Variants in KIF6 observed in about 807,000 individuals in gnomAD.
KIF6 encodes the protein kinesin-like protein KIF6.
Under a neutral mutation model 112.7 loss-of-function variants are expected in KIF6, and 106 were observed. That is an observed-to-expected ratio of 0.94 (90% CI 0.80 to 1.11). KIF6 has a LOEUF of 1.11. Among genes scored for constraint, KIF6 ranks in the 50% least tolerant of loss-of-function variants. KIF6 has a pLI of 0.00. For missense variants in KIF6, 929 were observed against 964.0 expected, an observed-to-expected ratio of 0.96 and a Z score of 0.48; for synonymous variants, 339 against 339.9, an observed-to-expected ratio of 1.00 and a Z score of 0.03.
intron 13 of KIF6, among the ~76,000 whole-genome samples, chr6:39,508,161 C>A (rs1407199725): frequency 6.6e-6 from 1 of 151,870 alleles, no homozygotes; most frequent in East Asian, 1.9e-4. Context: ...CATGTGTTAG[C>A]AATGCATGGT....
intron 19 of KIF6, among the ~76,000 whole-genome samples, chr6:39,355,153 T>A (rs1270017830): frequency 6.6e-6 from 1 of 152,154 alleles, no homozygotes; most frequent in Non-Finnish European, 1.5e-5. Flanking sequence ...ACTGCTGTAC[T>A]CCAGCATGAG....
intron 3 of KIF6, among the ~76,000 whole-genome samples, chr6:39,680,747 G>GGTT (rs1787463302): frequency 6.6e-6 from 1 of 152,152 alleles, no homozygotes; most frequent in Admixed American, 6.5e-5. Context: ...TGTAGTAAGT[G>GGTT]GTTATAAAAG....
intron 15 of KIF6, among the ~76,000 whole-genome samples, chr6:39,408,808 G>A (rs569137150): frequency 1.0e-3 from 157 of 152,116 alleles, no homozygotes; most frequent in Middle Eastern, 6.8e-3. Flanking sequence ...TTCAAACTAT[G>A]GCAAAATGTA....
At position 39,334,484 on chromosome 6, in the gene KIF6, G is replaced by T. The variant is rs1271729847; in HGVS notation, c.*2048C>A. 6.6e-6 allele frequency: 1 copy of T among 152,580 alleles called. No homozygotes were observed. The highest frequency in any genetic ancestry group is 2.4e-5 in the African/African-American group (1 of 41,450). 9.5% of individuals were successfully genotyped at this position (152,580 alleles called of 1,614,324 possible). A position where few individuals can be genotyped will look rare whatever the true frequency, so the allele number is the denominator to read the frequency against. On this transcript the variant is annotated 3_prime_UTR_variant, in exon 23 of 23. Coordinates refer to ENST00000287152, the MANE Select transcript of KIF6 (RefSeq NM_145027.6). ...AGTTCCAGCTACTTTGGAGGCTGAG[G>T]TGAGAGGATCGCTTGAGCCCAGGAG...
intron 1 of KIF6, among the ~76,000 whole-genome samples, chr6:39,723,289 C>T (rs1479616940): frequency 6.6e-6 from 1 of 152,140 alleles, no homozygotes; most frequent in Non-Finnish European, 1.5e-5. Flanking sequence ...GACATATACC[C>T]AGTATATATA....
intron 5 of KIF6, among the ~76,000 whole-genome samples, chr6:39,633,356 A>G (rs904680239): frequency 5.3e-5 from 8 of 152,128 alleles, no homozygotes; most frequent in Middle Eastern, 3.2e-3. Context: ...TAGAAAAAAA[A>G]GTACTTGATG....
At chr6:39,598,453 A>T (rs1244173426) in intron 6 of KIF6, among the ~76,000 whole-genome samples, 1 of 152,194 alleles carries the variant, frequency 6.6e-6, no homozygotes, top group African/African-American at 2.4e-5. Context: ...AATATAAATT[A>T]AGAATAAATT....
At chr6:39,391,513 A>G (rs997198748) in intron 15 of KIF6, among the ~76,000 whole-genome samples, 21 of 152,218 alleles carry the variant, frequency 1.4e-4, no homozygotes, top group African/African-American at 4.8e-4. Context: ...GGGTCTGCTC[A>G]TCTCCAGTAC....
chr6:39,659,643 AG>A (rs1786014066), intron 3 of KIF6, among the ~76,000 whole-genome samples: 1 of 152,196 alleles, frequency 6.6e-6, no homozygotes, highest in African/African-American at 2.4e-5. Flanking sequence ...TGGTTTTATA[AG>A]GGGCTTTTCC....
At chr6:39,647,692 C>G (rs1466746718) in intron 3 of KIF6, among the ~76,000 whole-genome samples, 1 of 150,962 alleles carries the variant, frequency 6.6e-6, no homozygotes, top group Non-Finnish European at 1.5e-5. Context: ...CTAGGTCAAA[C>G]AGTGAAGGCC....
chr6:39,665,609 A>T (rs188174850), intron 3 of KIF6, among the ~76,000 whole-genome samples: 7 of 152,330 alleles, frequency 4.6e-5, no homozygotes, highest in Non-Finnish European at 8.8e-5. Context: ...GAAAAAGTGT[A>T]TTACAGGAAT....
At chr6:39,697,205 T>C (rs1401675613) in intron 3 of KIF6, among the ~76,000 whole-genome samples, 1 of 152,168 alleles carries the variant, frequency 6.6e-6, no homozygotes, top group African/African-American at 2.4e-5. Flanking sequence ...CAGATAGGAC[T>C]GACAATCAGG....
chr6:39,367,194 A>G lies in KIF6; in HGVS notation c.1862-4676T>C, dbSNP rs874406. Among the ~76,000 whole-genome samples the G allele has an allele frequency of 5.6e-3, 852 of 152,288 alleles. 28 individuals are homozygous for G. The highest frequency in any genetic ancestry group is 0.048 in the Admixed American group (735 of 15,290). Reference sequence around the variant, plus strand: ...TGTTCTGAGGCTTGGCTCATCAGTAACCTCTGAAGAGAAATAGGGGCTGGG... The same window carrying G: ...TGTTCTGAGGCTTGGCTCATCAGTAGCCTCTGAAGAGAAATAGGGGCTGGG... On this transcript the variant is annotated intron_variant, in intron 16 of 22. Coordinates refer to ENST00000287152, the MANE Select transcript of KIF6 (RefSeq NM_145027.6).
chr6:39,662,934 G>A (rs1786250739), intron 3 of KIF6, among the ~76,000 whole-genome samples: 1 of 144,376 alleles, frequency 6.9e-6, no homozygotes, highest in Non-Finnish European at 1.5e-5. Context: ...ATAGGGTCTT[G>A]CCCAGGCTGG....
intron 13 of KIF6, among the ~76,000 whole-genome samples, chr6:39,529,203 C>T (rs1777906762): frequency 6.6e-6 from 1 of 152,076 alleles, no homozygotes; most frequent in Admixed American, 6.5e-5. Flanking sequence ...TGAAAAATTA[C>T]TAGAAGAAAA....
At chr6:39,551,656 T>A (rs1779387973) in intron 10 of KIF6, among the ~76,000 whole-genome samples, 1 of 152,008 alleles carries the variant, frequency 6.6e-6, no homozygotes, top group African/African-American at 2.4e-5. Flanking sequence ...TTAAAAAAAC[T>A]TTAGAAAGTA....
intron 13 of KIF6, among the ~76,000 whole-genome samples, chr6:39,435,883 G>C (rs578009627): frequency 1.3e-5 from 2 of 152,310 alleles, no homozygotes; most frequent in Admixed American, 6.5e-5. Context: ...ATACTCAGTA[G>C]TGGGATTGCT....
intron 15 of KIF6, among the ~76,000 whole-genome samples, chr6:39,402,481 C>T (rs9968787): frequency 0.051 from 7,785 of 152,170 alleles, 630 homozygotes; most frequent in African/African-American, 0.18. Context: ...AATAACCAAA[C>T]GGTCTTTAAG....
chr6:39,679,618 T>C lies in KIF6; in HGVS notation c.251+35074A>G, dbSNP rs565742214. On this transcript the variant is annotated intron_variant, in intron 3 of 22. Transcript: ENST00000287152. ...TGGCAGGGTTTCTTTTCTTTTCTTT[T>C]TTTTTTTTTTTTTTTGAGGCGGAGT... 1.2e-3 allele frequency among the ~76,000 whole-genome samples: 180 copies of C among 144,202 alleles called. 5 individuals carry two copies. Among genetic ancestry groups the C allele is most frequent in the Non-Finnish European group, 1.0e-3 (68 of 65,876 alleles). The allele number at this position is 144,202 out of a possible 152,430, so 94.6% of individuals were successfully genotyped here. A position where few individuals can be genotyped will look rare whatever the true frequency, so the allele number is the denominator to read the frequency against.
Sources: gnomAD v4.1 joint callset for allele counts (sites outside exome capture counted in the v4.1 genomes callset) on GRCh38, gnomAD v4.1.1 for gene constraint, MANE v1.5 for transcripts, NCBI Gene and HGNC (gene_info 2026-07-23, HGNC 2026-07-21) for gene names.